Variants in CADM4 observed in about 807,000 individuals in gnomAD.
The protein encoded by CADM4 is cell adhesion molecule 4.
CADM4 carries 13 observed loss-of-function variants against 43.9 expected under a neutral mutation model. That is an observed-to-expected ratio of 0.30 (90% CI 0.19 to 0.47). CADM4 has a LOEUF of 0.47. CADM4 is among the 20% of genes least tolerant of loss of function. The pLI is 1.00. For missense variants in CADM4, 420 were observed against 527.0 expected, an observed-to-expected ratio of 0.80 and a Z score of 1.99; for synonymous variants, 209 against 220.9, an observed-to-expected ratio of 0.95 and a Z score of 0.48.
At chr19:43,630,379 G>A (rs946789730) in intron 1 of CADM4, among the ~76,000 whole-genome samples, 19 of 134,968 alleles carry the variant, frequency 1.4e-4, no homozygotes, top group African/African-American at 2.5e-4. Flanking sequence ...TCCACTTCCC[G>A]GGTTCAAGCA....
chr19:43,629,907 G>A (rs974481771), intron 1 of CADM4, among the ~76,000 whole-genome samples: 5 of 151,762 alleles, frequency 3.3e-5, no homozygotes, highest in African/African-American at 1.2e-4. Context: ...GCGACCCACC[G>A]CGCCTGGCCA....
At chr19:43,634,344 T>C (rs1973671227) in intron 1 of CADM4, among the ~76,000 whole-genome samples, 1 of 152,214 alleles carries the variant, frequency 6.6e-6, no homozygotes. Flanking sequence ...GGTTCAGTGC[T>C]AGCCCCCCAT....
At position 43,623,701 on chromosome 19, in the gene CADM4, A is replaced by C. The variant is rs1269858952; in HGVS notation, c.1058-262T>G. 6.6e-6 allele frequency among the ~76,000 whole-genome samples: 1 copy of C among 152,208 alleles called. No homozygotes were observed. Among genetic ancestry groups the C allele is most frequent in the Non-Finnish European group, 1.5e-5 (1 of 68,032 alleles). ...GGAGGTATTTCCTTGCCCTGCTCCC[A>C]GCGAATTCAGCAATTAGGAAAATAA... On this transcript the variant is annotated intron_variant, in intron 8 of 8. Coordinates refer to ENST00000222374, the MANE Select transcript of CADM4 (RefSeq NM_145296.2). The surrounding 1 kb of genome is among the most constrained non-coding windows in gnomAD (Gnocchi z 4.4).
intron 7 of CADM4, among the ~76,000 whole-genome samples, chr19:43,624,493 G>A (rs375559720): frequency 4.1e-4 from 62 of 152,110 alleles, no homozygotes; most frequent in African/African-American, 1.3e-3. Context: ...TTGCAGAGAC[G>A]GGGGTCTCAC....
Position 43,623,299 on chromosome 19 carries a change from G to A in CADM4, c.*31C>T. 6.5e-7 allele frequency: 1 copy of A among 1,549,522 alleles called. No homozygotes were observed. On this transcript the variant is annotated 3_prime_UTR_variant, in exon 9 of 9. Coordinates refer to ENST00000222374, the MANE Select transcript of CADM4 (RefSeq NM_145296.2). This position sits in a 1 kb window ranked among gnomAD's most constrained non-coding sequence, Gnocchi z 4.4. Reference sequence around the variant, plus strand: ...GGCAGTGGGGGGGACCCCAGCCCAGGCCCAGGCCTAGGCCTGGGGTGGGGA... The same window carrying A: ...GGCAGTGGGGGGGACCCCAGCCCAGACCCAGGCCTAGGCCTGGGGTGGGGA...
chr19:43,631,109 G>A (rs938413955), intron 1 of CADM4, among the ~76,000 whole-genome samples: 7 of 152,070 alleles, frequency 4.6e-5, no homozygotes, highest in East Asian at 1.9e-4. Context: ...TTGGGAGGCC[G>A]AGGTGGGCGG....
rs1228554117 is a variant in CADM4 at position 43,622,592 on chromosome 19, C to T, written c.*738G>A. ...ATATTATATATAAAACCATGAAGAC[C>T]ACGAATCCTCCCCAAACTCCTTTCC... On this transcript the variant is annotated 3_prime_UTR_variant, in exon 9 of 9. Transcript: ENST00000222374. 6.6e-6 allele frequency: 1 copy of T among 152,268 alleles called. No homozygotes were observed. The highest frequency in any genetic ancestry group is 1.5e-5 in the Non-Finnish European group (1 of 67,976). The allele number at this position is 152,268 out of a possible 1,614,324, so 9.4% of individuals were successfully genotyped here.
intron 1 of CADM4, among the ~76,000 whole-genome samples, chr19:43,633,674 C>CTCTT (rs531303642): frequency 0.016 from 2,406 of 150,664 alleles, 25 homozygotes; most frequent in Non-Finnish European, 0.025. Context: ...CTCTTTCTTT[C>CTCTT]TCTTTCTTTC....
Position 43,625,340 on chromosome 19 carries a change from T to G in CADM4, c.756-90A>C. Reference sequence around the variant, plus strand: ...CAAGAATCTAGACATGCAACTCTCATCCCGCAGGGACCTCCAAATAAGAGG... The same window carrying G: ...CAAGAATCTAGACATGCAACTCTCAGCCCGCAGGGACCTCCAAATAAGAGG... On this transcript the variant is annotated intron_variant, in intron 6 of 8. Transcript: ENST00000222374. This position sits in a 1 kb window ranked among gnomAD's most constrained non-coding sequence, Gnocchi z 4.5. 7.5e-7 allele frequency: 1 copy of G among 1,327,412 alleles called. No individual in the cohort carries two copies. The highest frequency in any genetic ancestry group is 2.3e-5 in the Admixed American group (1 of 42,598). The allele number at this position is 1,327,412 out of a possible 1,614,324, so 82.2% of individuals were successfully genotyped here.
At chr19:43,632,572 C>T (rs1327981065) in intron 1 of CADM4, among the ~76,000 whole-genome samples, 1 of 152,122 alleles carries the variant, frequency 6.6e-6, no homozygotes, top group African/African-American at 2.4e-5. Flanking sequence ...GGCTCGCTAG[C>T]CTTGCTGTCC....
intron 1 of CADM4, 33 bp downstream of exon 1, chr19:43,639,692 CAG>C: frequency 1.0e-6 from 1 of 984,964 alleles, no homozygotes; most frequent in Middle Eastern, 5.2e-4. Context: ...CCCCCCGCCC[CAG>C]CCCGGCCGGC....
intron 1 of CADM4, among the ~76,000 whole-genome samples, chr19:43,639,066 C>G (rs1376274886): frequency 6.6e-6 from 1 of 151,044 alleles, no homozygotes; most frequent in East Asian, 1.9e-4. Flanking sequence ...GGGACAGAGA[C>G]AAGGGGATGG....
intron 1 of CADM4, among the ~76,000 whole-genome samples, chr19:43,635,911 T>TC (rs1163668738): frequency 2.5e-5 from 3 of 121,368 alleles, no homozygotes; most frequent in African/African-American, 9.5e-5. Flanking sequence ...CCCTCCTCCC[T>TC]GGACCCAGGA....
At chr19:43,633,280 C>T (rs1047573534) in intron 1 of CADM4, among the ~76,000 whole-genome samples, 1 of 152,050 alleles carries the variant, frequency 6.6e-6, no homozygotes, top group Non-Finnish European at 1.5e-5. Context: ...CTCCATGTTG[C>T]CCAGGCTGGT....
intron 1 of CADM4, among the ~76,000 whole-genome samples, chr19:43,637,052 G>A (rs1391298711): frequency 1.3e-5 from 2 of 151,958 alleles, no homozygotes; most frequent in African/African-American, 4.8e-5. Context: ...TTCTGGCTGC[G>A]GGTCCCATTT....
At chr19:43,639,904 A>T (rs2146167686), upstream of CADM4, 1 of 783,234 alleles carries the variant, frequency 1.3e-6, no homozygotes, top group Non-Finnish European at 1.5e-6. Context: ...CGGGGCGCCG[A>T]GGCCGGGGCG....
rs1973460788 is a variant in CADM4 at position 43,622,932 on chromosome 19, G to C, written c.*398C>G. 1 of 183,348 alleles carries C rather than the reference G, an allele frequency of 5.5e-6. No individual in the cohort carries two copies. Among genetic ancestry groups the C allele is most frequent in the East Asian group, 1.4e-4 (1 of 6,994 alleles). The allele number at this position is 183,348 out of a possible 1,614,324, so 11.4% of individuals were successfully genotyped here. A position where few individuals can be genotyped will look rare whatever the true frequency, so the allele number is the denominator to read the frequency against. On this transcript the variant is annotated 3_prime_UTR_variant, in exon 9 of 9. Coordinates refer to ENST00000222374, the MANE Select transcript of CADM4 (RefSeq NM_145296.2). Reference sequence around the variant, plus strand: ...TTACAATGGCTGGCATGGGGTCTAGGACCCCCAAAGAAATCTGTGTTCCCC... The same window carrying C: ...TTACAATGGCTGGCATGGGGTCTAGCACCCCCAAAGAAATCTGTGTTCCCC...
At chr19:43,639,545 C>A (rs1230323959) in intron 1 of CADM4, among the ~76,000 whole-genome samples, 182 bp downstream of exon 1, 1 of 150,462 alleles carries the variant, frequency 6.6e-6, no homozygotes. Flanking sequence ...GGCCGGGCCC[C>A]GCGCCCCCTC....
upstream of CADM4, chr19:43,639,889 G>C: frequency 1.1e-6 from 1 of 931,970 alleles, no homozygotes; most frequent in Non-Finnish European, 1.3e-6. Context: ...CTGCCCGCCC[G>C]GGGGCGGGGC....
Sources: gnomAD v4.1 joint callset for allele counts (sites outside exome capture counted in the v4.1 genomes callset) on GRCh38, gnomAD v4.1.1 for gene constraint, Gnocchi (gnomAD v3.1) non-coding constraint, MANE v1.5 for transcripts, NCBI Gene and HGNC (gene_info 2026-07-23, HGNC 2026-07-21) for gene names.